Variants in AGAP1 observed in about 807,000 individuals in gnomAD.
AGAP1 encodes the protein ArfGAP with GTPase domain, ankyrin repeat and PH domain 1, also known as arf-GAP with GTPase, ANK repeat and PH domain-containing protein 1.
In AGAP1, 29 loss-of-function variants were observed where a neutral mutation model predicts 105.3. The ratio of observed to expected loss-of-function variants is 0.28; its 90% CI spans 0.21 to 0.38. The LOEUF (loss-of-function observed/expected upper bound fraction) is 0.38. Among genes scored for constraint, AGAP1 ranks in the 10% least tolerant of loss-of-function variants. AGAP1 has a pLI of 1.00. For missense variants in AGAP1, 998 were observed against 1,165.1 expected (o/e 0.86, Z 2.09); for synonymous variants, 509 against 485.9 (o/e 1.05, Z -0.63).
At chr2:235,670,169 C>T (rs1240450351) in intron 1 of AGAP1, 1 of 584,892 alleles carries the variant, frequency 1.7e-6, no homozygotes. Context: ...CGGGACGCCC[C>T]CCAGAAAGAC....
rs1198802202 is a variant in AGAP1, at chr2:235,792,728, G to T, written c.674-5031G>T. Among the ~76,000 whole-genome samples, 2 of 152,146 alleles carry T rather than the reference G, an allele frequency of 1.3e-5. No homozygotes were observed. Among genetic ancestry groups the T allele is most frequent in the South Asian group, 2.1e-4 (1 of 4,824 alleles). Reference sequence around the variant, plus strand: ...GAGCTAGAAAACAGACGAGAGGCAGGTCTGAGAGAGGCTAGGAGGCCCAGG... The same window carrying T: ...GAGCTAGAAAACAGACGAGAGGCAGTTCTGAGAGAGGCTAGGAGGCCCAGG... On this transcript the variant is annotated intron_variant, in intron 6 of 17. Transcript: ENST00000304032. The surrounding 1 kb of genome is among the most constrained non-coding windows in gnomAD (Gnocchi z 5.3).
rs1000667206 is a variant in AGAP1 at position 235,517,648 on chromosome 2, A to G, written c.163+22799A>G. On this transcript the variant is annotated intron_variant, in intron 1 of 17. Transcript: ENST00000304032. The surrounding 1 kb of genome is among the most constrained non-coding windows in gnomAD (Gnocchi z 4.1). ...AAAAATTAAAACTTGATTTAAAAAGAAGCCTGGGCCAGATGCAGTGGCTCA... is the reference window on the plus strand; with the variant it reads ...AAAAATTAAAACTTGATTTAAAAAGGAGCCTGGGCCAGATGCAGTGGCTCA... 6.6e-6 allele frequency among the ~76,000 whole-genome samples: 1 copy of G among 152,300 alleles called. No homozygotes were observed. The highest frequency in any genetic ancestry group is 2.1e-4 in the South Asian group (1 of 4,812).
Position 236,000,723 on chromosome 2 carries a change from C to A in AGAP1, c.1645+32100C>A, listed in dbSNP as rs759659007. ...GGCACATGCCTGAGGCAATCAGCCCCGATGGTGTGGCGGGGCAGGTACTAG... is the reference window on the plus strand; with the variant it reads ...GGCACATGCCTGAGGCAATCAGCCCAGATGGTGTGGCGGGGCAGGTACTAG... On this transcript the variant is annotated intron_variant, in intron 13 of 17. Transcript: ENST00000304032. This position sits in a 1 kb window ranked among gnomAD's most constrained non-coding sequence, Gnocchi z 4.3. Among the ~76,000 whole-genome samples, 3 of 152,308 alleles carry A rather than the reference C, an allele frequency of 2.0e-5. No individual in the cohort carries two copies. In the East Asian group the frequency reaches 5.8e-4, roughly 29 times the overall value.
At chr2:235,538,996 G>T (rs560125665) in intron 1 of AGAP1, among the ~76,000 whole-genome samples, 1 of 152,166 alleles carries the variant, frequency 6.6e-6, no homozygotes, top group Non-Finnish European at 1.5e-5. Flanking sequence ...TTCTTAAAGG[G>T]AGAGTTTTAT....
chr2:235,914,336 T>G (rs1429370369), intron 11 of AGAP1, among the ~76,000 whole-genome samples: 1 of 152,200 alleles, frequency 6.6e-6, no homozygotes, highest in African/African-American at 2.4e-5. Context: ...CACCCTTGAT[T>G]AATGCTCTGG....
At chr2:235,624,227 A>G (rs1306256236) in intron 1 of AGAP1, among the ~76,000 whole-genome samples, 1 of 152,242 alleles carries the variant, frequency 6.6e-6, no homozygotes, top group African/African-American at 2.4e-5. Flanking sequence ...ACATTTTACC[A>G]TATTTGCTTT....
chr2:235,508,946 C>T (rs551268866), intron 1 of AGAP1, among the ~76,000 whole-genome samples: 3 of 152,316 alleles, frequency 2.0e-5, no homozygotes, highest in South Asian at 4.1e-4. Context: ...GGCGGGATGC[C>T]GAGTGTGTCG....
At chr2:236,024,138 C>A in intron 13 of AGAP1, among the ~76,000 whole-genome samples, 1 of 98,006 alleles carries the variant, frequency 1.0e-5, no homozygotes, top group African/African-American at 4.5e-5. Flanking sequence ...TCAAGCAGTT[C>A]TCCTGCCTCA....
chr2:235,947,272 C>T (rs13005695), intron 12 of AGAP1, among the ~76,000 whole-genome samples: 75,473 of 151,880 alleles, frequency 0.5, 19,015 homozygotes, highest in South Asian at 0.64. Context: ...ATCACTCTTA[C>T]GCCTTTGCAT....
chr2:235,873,459 A>G (rs1354168893), intron 9 of AGAP1, among the ~76,000 whole-genome samples: 1 of 152,154 alleles, frequency 6.6e-6, no homozygotes, highest in Non-Finnish European at 1.5e-5. Context: ...AGGAGAGACA[A>G]TAGAGAGTTT....
At chr2:236,085,024 C>T (rs910262202) in intron 16 of AGAP1, among the ~76,000 whole-genome samples, 1 of 151,514 alleles carries the variant, frequency 6.6e-6, no homozygotes, top group Non-Finnish European at 1.5e-5. Context: ...ACCAGCCTGG[C>T]CAACATAGTG....
Position 235,701,029 on chromosome 2 carries a change from G to T in AGAP1, c.164-8150G>T, listed in dbSNP as rs528699570. Among the ~76,000 whole-genome samples, 61 of 121,466 alleles carry T rather than the reference G, an allele frequency of 5.0e-4. No homozygotes were observed. Among genetic ancestry groups the T allele is most frequent in the African/African-American group, 2.6e-3 (54 of 21,044 alleles). 79.7% of individuals were successfully genotyped at this position (121,466 alleles called of 152,430 possible). On this transcript the variant is annotated intron_variant, in intron 1 of 17. Coordinates refer to ENST00000304032, the MANE Select transcript of AGAP1 (RefSeq NM_001037131.3). The surrounding 1 kb of genome is among the most constrained non-coding windows in gnomAD (Gnocchi z 4.1). ...ATAGTTATATGTATATATTATATAT[G>T]CTATAATATAGTTATATGTATATAT...
At chr2:235,914,050 C>T (rs2317012) in intron 11 of AGAP1, among the ~76,000 whole-genome samples, 119,433 of 152,012 alleles carry the variant, frequency 0.79, 47,002 homozygotes, top group East Asian at 0.98. Context: ...GAAGCTAATC[C>T]TTTTTAGAGA....
intron 9 of AGAP1, among the ~76,000 whole-genome samples, chr2:235,857,596 T>G (rs1231055760): frequency 2.0e-5 from 3 of 152,214 alleles, no homozygotes; most frequent in Non-Finnish European, 4.4e-5. Context: ...AGAACATGGA[T>G]GCATTGCATG....
chr2:236,005,819 A>G lies in AGAP1; in HGVS notation c.1646-30742A>G, dbSNP rs1214776637. On this transcript the variant is annotated intron_variant, in intron 13 of 17. Transcript: ENST00000304032. This position sits in a 1 kb window ranked among gnomAD's most constrained non-coding sequence, Gnocchi z 4.1. ...ATTTCCATCCTATCCTGTCAAGGGTATATACCATCAACTTTATTTATGGCT... is the reference window on the plus strand; with the variant it reads ...ATTTCCATCCTATCCTGTCAAGGGTGTATACCATCAACTTTATTTATGGCT... 6.6e-6 allele frequency among the ~76,000 whole-genome samples: 1 copy of G among 152,208 alleles called. No homozygotes were observed. Among genetic ancestry groups the G allele is most frequent in the Non-Finnish European group, 1.5e-5 (1 of 68,034 alleles).
In AGAP1 at chr2:235,614,605, C is replaced by T. The variant is rs1490617122; in HGVS notation, c.164-94574C>T. Among the ~76,000 whole-genome samples, 1 of 152,152 alleles carries T rather than the reference C, an allele frequency of 6.6e-6. No homozygotes were observed. The highest frequency in any genetic ancestry group is 1.5e-5 in the Non-Finnish European group (1 of 68,042). On this transcript the variant is annotated intron_variant, in intron 1 of 17. Transcript: ENST00000304032. The surrounding 1 kb of genome is among the most constrained non-coding windows in gnomAD (Gnocchi z 4.7). ...GCAGTTTCACTTCCATCTGGAGCAC[C>T]CAGGCCTGCAGGAGTGTGGGTTGGC... is the stretch of plus-strand genomic sequence containing the variant.
Position 235,970,772 on chromosome 2 carries a change from C to T in AGAP1, c.1645+2149C>T, listed in dbSNP as rs1043041648. ...CACCACCCAGTGTTCCATTCAGCACCGGTGAGTTTGAAGGAAGTTTGACAA... is the reference window on the plus strand; with the variant it reads ...CACCACCCAGTGTTCCATTCAGCACTGGTGAGTTTGAAGGAAGTTTGACAA... On this transcript the variant is annotated intron_variant, in intron 13 of 17. Transcript: ENST00000304032. This position sits in a 1 kb window ranked among gnomAD's most constrained non-coding sequence, Gnocchi z 5.4. 1.3e-5 allele frequency among the ~76,000 whole-genome samples: 2 copies of T among 152,152 alleles called. No homozygotes were observed. Among genetic ancestry groups the T allele is most frequent in the East Asian group, 1.9e-4 (1 of 5,192 alleles).
At chr2:235,956,489 G>A (rs1025423813) in intron 12 of AGAP1, among the ~76,000 whole-genome samples, 6 of 152,054 alleles carry the variant, frequency 3.9e-5, no homozygotes, top group South Asian at 2.1e-4. Context: ...GATGCCATTC[G>A]GCACCAGCTG....
chr2:235,824,892 A>G lies in AGAP1; in HGVS notation c.1050+17561A>G, dbSNP rs550950461. On this transcript the variant is annotated intron_variant, in intron 9 of 17. Transcript: ENST00000304032. The surrounding 1 kb of genome is among the most constrained non-coding windows in gnomAD (Gnocchi z 5.2). ...TTCAGGAAAAGGAAAGCATGTTTTT[A>G]TGTCTCACGTTTACAGGCGCTTTTC... Among the ~76,000 whole-genome samples the G allele has an allele frequency of 6.6e-5, 10 of 152,166 alleles. No individual in the cohort carries two copies. Among genetic ancestry groups the G allele is most frequent in the Non-Finnish European group, 1.5e-5 (1 of 68,032 alleles).
Sources: gnomAD v4.1 joint callset for allele counts (sites outside exome capture counted in the v4.1 genomes callset) on GRCh38, gnomAD v4.1.1 for gene constraint, Gnocchi (gnomAD v3.1) non-coding constraint, MANE v1.5 for transcripts, NCBI Gene and HGNC (gene_info 2026-07-23, HGNC 2026-07-21) for gene names.